The following NTRK2 variants were observed in gnomAD, a reference collection of about 807,000 sequenced individuals.
The protein encoded by NTRK2 is BDNF/NT-3 growth factors receptor.
In NTRK2, 13 loss-of-function variants were observed where a neutral mutation model predicts 94.5. The ratio of observed to expected loss-of-function variants is 0.14; its 90% CI spans 0.09 to 0.22. The LOEUF is 0.22. NTRK2 is among the 10% of genes least tolerant of loss of function. The pLI is 1.00. For synonymous variants in NTRK2, 372 were observed against 407.4 expected (o/e 0.91, Z 1.05); for missense variants, 639 against 1,071.2 (o/e 0.60, Z 5.63).
At chr9:84,940,315 C>G (rs2078363135) in intron 15 of NTRK2, among the ~76,000 whole-genome samples, 1 of 152,208 alleles carries the variant, frequency 6.6e-6, no homozygotes, top group African/African-American at 2.4e-5. Flanking sequence ...TATCTGAAAG[C>G]TCACTCAAGA....
In NTRK2 at chr9:84,702,471, T is replaced by C. The variant is rs753005573; in HGVS notation, c.359+52T>C. 6.9e-6 allele frequency: 10 copies of C among 1,444,762 alleles called. No homozygotes were observed. The African/African-American group carries it at 1.3e-4, about 18-fold the overall frequency. The allele number at this position is 1,444,762 out of a possible 1,614,324, so 89.5% of individuals were successfully genotyped here. A position where few individuals can be genotyped will look rare whatever the true frequency, so the allele number is the denominator to read the frequency against. ...CCCAGGACCCATTTTATTCAATATT[T>C]CCCCCCTCTGTTTATTTTCCTTCTT... On this transcript the variant is annotated intron_variant, in intron 4 of 18. Coordinates refer to ENST00000277120, the MANE Select transcript of NTRK2 (RefSeq NM_006180.6).
intron 12 of NTRK2, among the ~76,000 whole-genome samples, chr9:84,788,014 T>C (rs1239433333): frequency 6.6e-6 from 1 of 152,328 alleles, no homozygotes; most frequent in South Asian, 2.1e-4. Context: ...TTATGAGGAT[T>C]AAATGAATTA....
rs569090910 is a variant in NTRK2, at chr9:84,714,918, G to A, written c.583+4127G>A. On this transcript the variant is annotated intron_variant, in intron 6 of 18. Coordinates refer to ENST00000277120, the MANE Select transcript of NTRK2 (RefSeq NM_006180.6). ...AAACCAACAATTTGCCAACTACTGT[G>A]GCCATTGTATTTAGTTTGCAATTGG... Among the ~76,000 whole-genome samples the A allele has an allele frequency of 9.0e-4, 137 of 152,194 alleles. 1 individual carries two copies. The highest frequency in any genetic ancestry group is 1.8e-3 in the Admixed American group (27 of 15,286).
intron 17 of NTRK2, among the ~76,000 whole-genome samples, chr9:84,967,165 C>A (rs1825654134): frequency 6.6e-6 from 1 of 152,134 alleles, no homozygotes; most frequent in Non-Finnish European, 1.5e-5. Context: ...GTAATGTTGT[C>A]AAAGACATCA....
chr9:84,874,571 T>G (rs2075997053), intron 14 of NTRK2: 2 of 1,063,930 alleles, frequency 1.9e-6, no homozygotes, highest in Non-Finnish European at 2.3e-6. Flanking sequence ...ATTGTTCTTC[T>G]TTCTCTTGAA....
chr9:84,702,570 G>A, intron 4 of NTRK2, 151 bp downstream of exon 4: 4 of 761,092 alleles, frequency 5.3e-6, no homozygotes, highest in South Asian at 1.5e-5. Flanking sequence ...CTCTGATTTT[G>A]TTTGATTTTT....
chr9:85,000,207 G>T (rs1034150351), intron 17 of NTRK2, among the ~76,000 whole-genome samples: 1 of 152,120 alleles, frequency 6.6e-6, no homozygotes, highest in Admixed American at 6.5e-5. Context: ...CACCAGAGCG[G>T]TGCATTTGTT....
chr9:84,782,037 A>AACAC (rs58851217), intron 12 of NTRK2, among the ~76,000 whole-genome samples: 4,226 of 149,586 alleles, frequency 0.028, 170 homozygotes, highest in African/African-American at 0.093. Context: ...CCTCCAAGAA[A>AACAC]ACACACACAC....
intron 12 of NTRK2, among the ~76,000 whole-genome samples, chr9:84,824,223 G>A (rs1215592962): frequency 6.6e-6 from 1 of 152,206 alleles, no homozygotes; most frequent in Non-Finnish European, 1.5e-5. Context: ...AGTGACACAG[G>A]TGCTGGCTGT....
At chr9:84,811,713 C>G in intron 12 of NTRK2, 1 of 1,065,702 alleles carries the variant, frequency 9.4e-7, no homozygotes, top group Non-Finnish European at 1.1e-6. Flanking sequence ...TGGCAGGTCG[C>G]TAATGAATAT....
Position 85,023,177 on chromosome 9 carries a change from G to GAAT in NTRK2, c.*1741_*1743dup, listed in dbSNP as rs1832868462. 1 of 232,956 alleles carries GAAT rather than the reference G, an allele frequency of 4.3e-6. No individual in the cohort carries two copies. 14.4% of individuals were successfully genotyped at this position (232,956 alleles called of 1,614,324 possible). A position where few individuals can be genotyped will look rare whatever the true frequency, so the allele number is the denominator to read the frequency against. ...TTTAAATAGAAATTTACAGCTATTT[G>GAAT]AATGGTCAGATATACCAAGAAAGAA... On this transcript the variant is annotated 3_prime_UTR_variant, in exon 19 of 19. Coordinates refer to ENST00000277120, the MANE Select transcript of NTRK2 (RefSeq NM_006180.6).
chr9:84,807,506 T>C (rs1372997691), intron 12 of NTRK2, among the ~76,000 whole-genome samples: 2 of 152,220 alleles, frequency 1.3e-5, no homozygotes, highest in African/African-American at 2.4e-5. Flanking sequence ...TCTCTAAAGT[T>C]GTTTTTGATA....
intron 2 of NTRK2, among the ~76,000 whole-genome samples, chr9:84,692,476 T>C (rs1387892463): frequency 6.1e-5 from 8 of 131,942 alleles, no homozygotes; most frequent in East Asian, 2.0e-4. Context: ...TTCTTTTTTT[T>C]TTTTTTTTTT....
In NTRK2 at chr9:85,025,236, C is replaced by T. The variant is rs1480693966; in HGVS notation, c.*3799C>T. 4.3e-6 allele frequency: 1 copy of T among 233,028 alleles called. No homozygotes were observed. The highest frequency in any genetic ancestry group is 2.2e-5 in the African/African-American group (1 of 45,316). The allele number at this position is 233,028 out of a possible 1,614,324, so 14.4% of individuals were successfully genotyped here. On this transcript the variant is annotated 3_prime_UTR_variant, in exon 19 of 19. Coordinates refer to ENST00000277120, the MANE Select transcript of NTRK2 (RefSeq NM_006180.6). Reference sequence around the variant, plus strand: ...ACTACATTGAGTGCTTTCTCTGGCTCCTTGCAAAGAAAGATACTTTTTGTA... The same window carrying T: ...ACTACATTGAGTGCTTTCTCTGGCTTCTTGCAAAGAAAGATACTTTTTGTA...
intron 12 of NTRK2, among the ~76,000 whole-genome samples, chr9:84,775,809 T>G (rs2132924440): frequency 6.6e-6 from 1 of 152,286 alleles, no homozygotes; most frequent in East Asian, 1.9e-4. Context: ...ACTTAGGAAC[T>G]TTTTCAAAAT....
At chr9:84,900,651 T>TGTGA (rs2132392372) in intron 14 of NTRK2, among the ~76,000 whole-genome samples, 1 of 152,282 alleles carries the variant, frequency 6.6e-6, no homozygotes, top group South Asian at 2.1e-4. Context: ...TATGTGCACT[T>TGTGA]GTGAGTCTAA....
In NTRK2 at chr9:84,670,760, G is replaced by C; in HGVS notation, c.12G>C (p.Trp4Cys). The C allele has an allele frequency of 1.2e-6, 2 of 1,613,252 alleles. No individual in the cohort carries two copies. The highest frequency in any genetic ancestry group is 1.1e-5 in the South Asian group (1 of 91,040). ...ACTGGCTGCTAGGGATGTCGTCCTG[G>C]ATAAGGTGGCATGGACCCGCCATGG... MSS[W>C]IRWHGPAMAR... The change falls in exon 2 of 19, where the codon TGG becomes TGC. Residue 4 changes from tryptophan to cysteine, a missense_variant. Transcript: ENST00000277120.
intron 12 of NTRK2, among the ~76,000 whole-genome samples, chr9:84,841,205 A>G (rs775387686): frequency 5.9e-5 from 9 of 152,148 alleles, no homozygotes; most frequent in South Asian, 2.1e-4. Context: ...GTAGGCTCGT[A>G]TGCCACCTAT....
chr9:84,960,441 C>T (rs1468772921), intron 17 of NTRK2, among the ~76,000 whole-genome samples: 2 of 152,170 alleles, frequency 1.3e-5, no homozygotes, highest in East Asian at 1.9e-4. Flanking sequence ...CAAGAGTTAA[C>T]CATCATTCCT....
Sources: gnomAD v4.1 joint callset for allele counts (sites outside exome capture counted in the v4.1 genomes callset) on GRCh38, gnomAD v4.1.1 for gene constraint, MANE v1.5 for transcripts, NCBI Gene and HGNC (gene_info 2026-07-23, HGNC 2026-07-21) for gene names.